Variants in SPOCK3 observed in about 807,000 individuals in gnomAD.
SPOCK3 encodes the protein testican-3.
SPOCK3 carries 30 observed loss-of-function variants against 56.6 expected under a neutral mutation model. The ratio of observed to expected loss-of-function variants is 0.53; its 90% confidence interval spans 0.40 to 0.72. The LOEUF (loss-of-function observed/expected upper bound fraction) is 0.72. Ranked by LOEUF, SPOCK3 falls within the 30% of genes least tolerant of loss-of-function variation. SPOCK3 has a pLI of 0.00. For synonymous variants in SPOCK3, 196 were observed against 183.3 expected (o/e 1.07, Z -0.56); for missense variants, 527 against 530.0 (o/e 0.99, Z 0.06).
At chr4:166,822,715 C>CT (rs905353891) in intron 6 of SPOCK3, among the ~76,000 whole-genome samples, 1 of 151,992 alleles carries the variant, frequency 6.6e-6, no homozygotes, top group African/African-American at 2.4e-5. Context: ...AATTTATCAT[C>CT]TTTTTTTCCC....
intron 2 of SPOCK3, among the ~76,000 whole-genome samples, chr4:167,204,302 A>G (rs1207722180): frequency 6.6e-6 from 1 of 152,070 alleles, no homozygotes; most frequent in African/African-American, 2.4e-5. Context: ...CTCCTGTATT[A>G]GTCTGTTCTC....
At chr4:166,934,694 C>T (rs1740194880) in intron 4 of SPOCK3, among the ~76,000 whole-genome samples, 1 of 151,944 alleles carries the variant, frequency 6.6e-6, no homozygotes, top group Admixed American at 6.6e-5. Context: ...ATAAACACTC[C>T]TTTTCCATAC....
chr4:167,001,997 C>T (rs547367374), intron 3 of SPOCK3, among the ~76,000 whole-genome samples: 59 of 152,150 alleles, frequency 3.9e-4, no homozygotes, highest in African/African-American at 1.3e-3. Context: ...TTCTCTCTGA[C>T]GCCCTGGCTA....
At chr4:166,847,595 G>A (rs1295001329) in intron 6 of SPOCK3, among the ~76,000 whole-genome samples, 1 of 133,978 alleles carries the variant, frequency 7.5e-6, no homozygotes, top group Non-Finnish European at 1.6e-5. Flanking sequence ...TTTGGAGAAA[G>A]TAGAGCATTT....
chr4:167,027,494 T>G (rs1751804379), intron 3 of SPOCK3, among the ~76,000 whole-genome samples: 1 of 151,762 alleles, frequency 6.6e-6, no homozygotes, highest in African/African-American at 2.4e-5. Context: ...ATTATAAAAT[T>G]TCTATGTTGT....
At chr4:166,850,799 C>T (rs970830603) in intron 6 of SPOCK3, among the ~76,000 whole-genome samples, 2 of 152,226 alleles carry the variant, frequency 1.3e-5, no homozygotes, top group East Asian at 1.9e-4. Context: ...ATATCCCGCA[C>T]CTGGCTCGGA....
At chr4:166,984,965 A>C (rs1262447892) in intron 4 of SPOCK3, among the ~76,000 whole-genome samples, 3 of 152,078 alleles carry the variant, frequency 2.0e-5, no homozygotes, top group Non-Finnish European at 4.4e-5. Context: ...GGCTTGGAAG[A>C]ACACAGGGAA....
At chr4:167,210,440 C>T (rs1225343111) in intron 2 of SPOCK3, among the ~76,000 whole-genome samples, 2 of 152,124 alleles carry the variant, frequency 1.3e-5, no homozygotes, top group Non-Finnish European at 2.9e-5. Flanking sequence ...AAGGATTCTT[C>T]AGGGAGGAGA....
intron 2 of SPOCK3, among the ~76,000 whole-genome samples, chr4:167,222,372 C>G (rs1337216157): frequency 6.6e-6 from 1 of 151,532 alleles, no homozygotes; most frequent in African/African-American, 2.4e-5. Flanking sequence ...GGTTGCAAAA[C>G]AATGTGAATA....
intron 6 of SPOCK3, among the ~76,000 whole-genome samples, chr4:166,850,304 A>G (rs936596526): frequency 6.6e-6 from 1 of 152,220 alleles, no homozygotes; most frequent in African/African-American, 2.4e-5. Context: ...AAGGTGGTGT[A>G]TCTCAATGTG....
chr4:167,063,237 C>A (rs970928810), intron 2 of SPOCK3, among the ~76,000 whole-genome samples: 3 of 151,590 alleles, frequency 2.0e-5, no homozygotes, highest in Admixed American at 6.6e-5. Context: ...TGTAGGGCAA[C>A]GTATACTGAA....
chr4:166,951,769 G>A (rs548923833), intron 4 of SPOCK3, among the ~76,000 whole-genome samples: 57 of 150,506 alleles, frequency 3.8e-4, no homozygotes, highest in African/African-American at 1.3e-3. Flanking sequence ...GATGCAAGGC[G>A]GGTTCAATAT....
At chr4:167,057,944 A>T (rs1755093026) in intron 3 of SPOCK3, among the ~76,000 whole-genome samples, 1 of 152,150 alleles carries the variant, frequency 6.6e-6, no homozygotes, top group Non-Finnish European at 1.5e-5. Context: ...GACCTAATAG[A>T]CATCTACAGA....
chr4:167,212,650 A>G (rs546677012), intron 2 of SPOCK3, among the ~76,000 whole-genome samples: 1 of 152,312 alleles, frequency 6.6e-6, no homozygotes, highest in East Asian at 1.9e-4. Flanking sequence ...TGATAATAGC[A>G]CAAGTTGTAT....
At chr4:166,892,208 G>T (rs1391300645) in intron 5 of SPOCK3, among the ~76,000 whole-genome samples, 4 of 151,708 alleles carry the variant, frequency 2.6e-5, no homozygotes, top group East Asian at 1.9e-4. Context: ...GCTTTCTTTG[G>T]CATAATTACA....
At chr4:167,031,354 A>G (rs1286594485) in intron 3 of SPOCK3, among the ~76,000 whole-genome samples, 1 of 152,024 alleles carries the variant, frequency 6.6e-6, no homozygotes, top group African/African-American at 2.4e-5. Context: ...GAACAAATCT[A>G]CTTGATATTA....
chr4:167,123,732 TTTC>T (rs1239911496), intron 2 of SPOCK3, among the ~76,000 whole-genome samples: 1 of 147,362 alleles, frequency 6.8e-6, no homozygotes, highest in Non-Finnish European at 1.5e-5. Flanking sequence ...CAACAAGACA[TTTC>T]TTTTCTTTTT....
intron 6 of SPOCK3, among the ~76,000 whole-genome samples, chr4:166,823,019 ACTGGAGTTGAT>A (rs1255776807): frequency 1.3e-5 from 2 of 152,080 alleles, no homozygotes; most frequent in East Asian, 1.9e-4. Context: ...TGCATATGTG[ACTGGAGTTGAT>A]ATTCAGGAAT....
At chr4:167,222,492 CATATGAAT>C (rs1460324256) in intron 2 of SPOCK3, among the ~76,000 whole-genome samples, 2 of 143,084 alleles carry the variant, frequency 1.4e-5, no homozygotes, top group Non-Finnish European at 1.5e-5. Context: ...ATATATATTA[CATATGAAT>C]ATATGAATAT....
Sources: allele counts gnomAD v4.1 joint callset (sites outside exome capture counted in the v4.1 genomes callset), GRCh38; gene constraint gnomAD v4.1.1; transcripts MANE v1.5; gene names NCBI Gene and HGNC (gene_info 2026-07-23, HGNC 2026-07-21).